The following TMEM132D variants were observed in gnomAD, a reference collection of about 807,000 sequenced individuals.
TMEM132D encodes the protein transmembrane protein 132D.
In TMEM132D, 21 loss-of-function variants were observed where a neutral mutation model predicts 62.3. That is an observed-to-expected ratio of 0.34 (90% CI 0.24 to 0.49). The LOEUF (loss-of-function observed/expected upper bound fraction) is 0.49. TMEM132D is among the 20% of genes least tolerant of loss of function. TMEM132D has a pLI of 0.99. For missense variants in TMEM132D, 1,346 were observed against 1,402.8 expected (o/e 0.96, Z 0.65); for synonymous variants, 621 against 575.6 (o/e 1.08, Z -1.13).
intron 3 of TMEM132D, among the ~76,000 whole-genome samples, chr12:129,423,243 A>T (rs915963248): frequency 6.6e-6 from 1 of 152,148 alleles, no homozygotes; most frequent in Non-Finnish European, 1.5e-5. Context: ...CTATCACGTG[A>T]TGATTTCCTT....
chr12:129,761,134 C>T (rs1870361128), intron 1 of TMEM132D, among the ~76,000 whole-genome samples: 1 of 152,034 alleles, frequency 6.6e-6, no homozygotes, highest in South Asian at 2.1e-4. Context: ...GGTTTGGTTG[C>T]CTCCCATAAA....
chr12:129,459,494 A>G (rs1014382795), intron 3 of TMEM132D, among the ~76,000 whole-genome samples: 3 of 152,196 alleles, frequency 2.0e-5, no homozygotes, highest in Non-Finnish European at 4.4e-5. Context: ...AAGACAGACC[A>G]TAATAAGATG....
At chr12:129,782,446 G>C (rs1271924140) in intron 1 of TMEM132D, among the ~76,000 whole-genome samples, 4 of 152,186 alleles carry the variant, frequency 2.6e-5, no homozygotes. Flanking sequence ...GTACAAATGT[G>C]GTGGGGTGCC....
At chr12:129,500,972 T>G (rs1875122156) in intron 3 of TMEM132D, among the ~76,000 whole-genome samples, 1 of 151,366 alleles carries the variant, frequency 6.6e-6, no homozygotes, top group Non-Finnish European at 1.5e-5. Flanking sequence ...TAATTTCAAT[T>G]ATAACAGTCT....
intron 3 of TMEM132D, among the ~76,000 whole-genome samples, chr12:129,493,027 G>A (rs987200031): frequency 1.3e-5 from 2 of 152,142 alleles, no homozygotes; most frequent in African/African-American, 2.4e-5. Context: ...TTCTCAGCTC[G>A]GAAATAGGGA....
At chr12:129,491,093 A>G (rs528287842) in intron 3 of TMEM132D, among the ~76,000 whole-genome samples, 2 of 152,208 alleles carry the variant, frequency 1.3e-5, no homozygotes, top group East Asian at 1.9e-4. Flanking sequence ...GATACAATGG[A>G]GCCTCTTTGA....
At chr12:129,096,661 A>T (rs1875126161) in intron 5 of TMEM132D, among the ~76,000 whole-genome samples, 1 of 152,106 alleles carries the variant, frequency 6.6e-6, no homozygotes, top group Non-Finnish European at 1.5e-5. Context: ...TGCTTTCTGG[A>T]AGAAAGTCTG....
intron 3 of TMEM132D, among the ~76,000 whole-genome samples, chr12:129,498,289 T>C (rs1157119893): frequency 6.6e-6 from 1 of 152,176 alleles, no homozygotes; most frequent in Non-Finnish European, 1.5e-5. Context: ...AGTCTCACTC[T>C]GTTGCCCAGG....
intron 4 of TMEM132D, 132 bp from the exon 5 acceptor site, chr12:129,209,795 C>T (rs1261043772): frequency 2.3e-6 from 3 of 1,292,360 alleles, no homozygotes; most frequent in African/African-American, 1.5e-5. Context: ...GAAATCCTGG[C>T]AGTCCGCACC....
rs139391469 is a variant in TMEM132D at position 129,736,910 on chromosome 12, C to T, written c.80-36212G>A. On this transcript the variant is annotated intron_variant, in intron 1 of 8. Transcript: ENST00000422113. ...TTGGCTCACTGCAACCTCTGCCACC[C>T]GGGCTCAAGCGATTCTCCTGCCTCA... is the stretch of plus-strand genomic sequence containing the variant. 7.2e-3 allele frequency among the ~76,000 whole-genome samples: 1,099 copies of T among 151,718 alleles called. 18 individuals are homozygous for T. The highest frequency in any genetic ancestry group is 0.025 in the African/African-American group (1,018 of 41,330).
chr12:129,190,625 G>A (rs1878368328), intron 5 of TMEM132D, among the ~76,000 whole-genome samples: 1 of 151,946 alleles, frequency 6.6e-6, no homozygotes, highest in Non-Finnish European at 1.5e-5. Flanking sequence ...TCTAGGGCCT[G>A]CACATGTGGG....
intron 4 of TMEM132D, among the ~76,000 whole-genome samples, chr12:129,324,790 T>A (rs1314392981): frequency 6.6e-6 from 1 of 152,042 alleles, no homozygotes; most frequent in Non-Finnish European, 1.5e-5. Context: ...ATCGTGCCAC[T>A]GCACTCCAGC....
intron 3 of TMEM132D, among the ~76,000 whole-genome samples, chr12:129,462,607 T>C (rs1007768849): frequency 5.9e-5 from 9 of 152,188 alleles, no homozygotes; most frequent in African/African-American, 2.2e-4. Context: ...CCTCTGACTA[T>C]TGTGGGGGGA....
chr12:129,398,970 C>G (rs1300454609), intron 3 of TMEM132D, among the ~76,000 whole-genome samples: 1 of 152,104 alleles, frequency 6.6e-6, no homozygotes, highest in Non-Finnish European at 1.5e-5. Flanking sequence ...GCTCATGGTT[C>G]CAGAGGCTGG....
chr12:129,102,229 T>C (rs1021148544), intron 5 of TMEM132D, among the ~76,000 whole-genome samples: 15 of 152,210 alleles, frequency 9.9e-5, no homozygotes. Context: ...CAAATGAGTC[T>C]TGCGTACGCA....
intron 2 of TMEM132D, among the ~76,000 whole-genome samples, chr12:129,541,006 A>G (rs1482244546): frequency 1.3e-5 from 2 of 152,206 alleles, no homozygotes; most frequent in Non-Finnish European, 2.9e-5. Flanking sequence ...GGTGAGAAGA[A>G]ACATACGTTT....
At chr12:129,217,290 C>T (rs1460698583) in intron 4 of TMEM132D, among the ~76,000 whole-genome samples, 2 of 152,102 alleles carry the variant, frequency 1.3e-5, no homozygotes, top group Non-Finnish European at 2.9e-5. Flanking sequence ...CCTTAGCAAA[C>T]TAACACAGGA....
chr12:129,564,051 A>G (rs1019632192), intron 2 of TMEM132D, among the ~76,000 whole-genome samples: 1 of 152,034 alleles, frequency 6.6e-6, no homozygotes, highest in Non-Finnish European at 1.5e-5. Context: ...GGTATAACTA[A>G]GACGTTTCAG....
At chr12:129,519,340 A>C (rs1875779790) in intron 3 of TMEM132D, among the ~76,000 whole-genome samples, 1 of 152,150 alleles carries the variant, frequency 6.6e-6, no homozygotes, top group Non-Finnish European at 1.5e-5. Flanking sequence ...AGATATTTCA[A>C]AATGTACCCT....
Sources: gnomAD v4.1 joint callset for allele counts (sites outside exome capture counted in the v4.1 genomes callset) on GRCh38, gnomAD v4.1.1 for gene constraint, MANE v1.5 for transcripts, NCBI Gene and HGNC (gene_info 2026-07-23, HGNC 2026-07-21) for gene names.